Variants in ITGB1BP1 observed in about 807,000 individuals in gnomAD.
The protein encoded by ITGB1BP1 is integrin beta-1-binding protein 1.
ITGB1BP1 carries 20 observed loss-of-function variants against 28.0 expected under a neutral mutation model. That is an observed-to-expected ratio of 0.71 (90% CI 0.50 to 1.04). The LOEUF (loss-of-function observed/expected upper bound fraction) is 1.04. ITGB1BP1 is among the 50% of genes least tolerant of loss of function. The pLI is 0.00. For synonymous variants in ITGB1BP1, 103 were observed against 89.5 expected, an observed-to-expected ratio of 1.15 and a Z score of -0.85; for missense variants, 228 against 242.5, an observed-to-expected ratio of 0.94 and a Z score of 0.40.
rs1400121434 is a variant in ITGB1BP1 at position 9,408,422 on chromosome 2, C to T, written c.289-217G>A. The T allele has an allele frequency of 1.4e-5, 7 of 486,298 alleles. No individual in the cohort carries two copies. The East Asian group carries it at 2.6e-4, about 18-fold the overall frequency. The allele number at this position is 486,298 out of a possible 1,614,324, so 30.1% of individuals were successfully genotyped here. ...TTTATTTTTGAGACAGAGTCTCACT[C>T]TGTCGCCCAGGCTATAGTGCAGTGG... On this transcript the variant is annotated intron_variant, in intron 4 of 6. Coordinates refer to ENST00000355346, the MANE Select transcript of ITGB1BP1 (RefSeq NM_004763.5).
chr2:9,420,734 AGT>A (rs1442979502), intron 1 of ITGB1BP1, among the ~76,000 whole-genome samples: 1 of 152,248 alleles, frequency 6.6e-6, no homozygotes, highest in Non-Finnish European at 1.5e-5. Flanking sequence ...AGTGGACTTT[AGT>A]TTAAGAGGAA....
intron 4 of ITGB1BP1, among the ~76,000 whole-genome samples, chr2:9,409,696 A>G (rs772576822): frequency 6.6e-6 from 1 of 152,202 alleles, no homozygotes; most frequent in East Asian, 1.9e-4. Context: ...TTGAAAAACG[A>G]GTTACTTGGA....
At chr2:9,422,535 G>T in intron 1 of ITGB1BP1, 1 of 985,482 alleles carries the variant, frequency 1.0e-6, no homozygotes, top group East Asian at 1.1e-4. Context: ...CTGGGGTAAG[G>T]GACCCACAGC....
intron 4 of ITGB1BP1, among the ~76,000 whole-genome samples, chr2:9,410,532 G>A (rs1376950159): frequency 6.6e-6 from 1 of 152,102 alleles, no homozygotes; most frequent in African/African-American, 2.4e-5. Flanking sequence ...TCTGCCTCCT[G>A]AGTTCAAGCA....
chr2:9,407,244 G>A (rs145200858), intron 6 of ITGB1BP1: 218 of 617,696 alleles, frequency 3.5e-4, no homozygotes, highest in African/African-American at 1.2e-3. Context: ...CGGCACAAGC[G>A]AGTGCTGCCA....
At chr2:9,422,906 G>A (rs1168392776) in intron 1 of ITGB1BP1, 1 of 986,020 alleles carries the variant, frequency 1.0e-6, no homozygotes, top group African/African-American at 1.7e-5. Flanking sequence ...ATGCGGCCAA[G>A]CTCGGGGCCT....
In ITGB1BP1 at chr2:9,423,358, G is replaced by C. The variant is rs1199741137; in HGVS notation, c.-36+15C>G. ...GCGAGCTCGGCCCCAAGCGGGACGA[G>C]GGCTGGGCGCTCACCTCGCAGCCGC... is the stretch of plus-strand genomic sequence containing the variant. On this transcript the variant is annotated intron_variant, in intron 1 of 6. Coordinates refer to ENST00000355346, the MANE Select transcript of ITGB1BP1 (RefSeq NM_004763.5). 8.4e-6 allele frequency: 10 copies of C among 1,186,202 alleles called. No homozygotes were observed. The highest frequency in any genetic ancestry group is 1.7e-5 in the African/African-American group (1 of 59,768). 73.5% of individuals were successfully genotyped at this position (1,186,202 alleles called of 1,614,324 possible).
chr2:9,416,238 T>C (rs1045197199), intron 2 of ITGB1BP1, among the ~76,000 whole-genome samples: 3 of 152,174 alleles, frequency 2.0e-5, no homozygotes, highest in Non-Finnish European at 2.9e-5. Flanking sequence ...CTACCTGCTT[T>C]TTTTTGGGAA....
chr2:9,420,010 G>C, intron 1 of ITGB1BP1: 4 of 953,818 alleles, frequency 4.2e-6, no homozygotes, highest in Non-Finnish European at 5.0e-6. Flanking sequence ...AACACTATTT[G>C]ACTGTCTTCA....
chr2:9,412,248 T>TA (rs1678524282), intron 4 of ITGB1BP1, 21 bp downstream of exon 4: 1 of 1,538,518 alleles, frequency 6.5e-7, no homozygotes, highest in East Asian at 2.2e-5. Context: ...ACCAGAGAGT[T>TA]ACGGAATTTT....
At position 9,404,397 on chromosome 2, in the gene ITGB1BP1, C is replaced by T. The variant is rs1315337265; in HGVS notation, c.*2437G>A. 1 of 152,214 alleles carries T rather than the reference C, an allele frequency of 6.6e-6. No homozygotes were observed. The highest frequency in any genetic ancestry group is 2.4e-5 in the African/African-American group (1 of 41,448). The allele number at this position is 152,214 out of a possible 1,614,324, so 9.4% of individuals were successfully genotyped here. A position where few individuals can be genotyped will look rare whatever the true frequency, so the allele number is the denominator to read the frequency against. The stretch of plus-strand genomic sequence containing the variant: ...CCAGGTAATACTCCCAAACATCCCA[C>T]TTTTTACTGTTTCAGGCCATCATAT... On this transcript the variant is annotated 3_prime_UTR_variant, in exon 7 of 7. Transcript: ENST00000355346.
intron 1 of ITGB1BP1, among the ~76,000 whole-genome samples, chr2:9,421,021 C>G (rs1344852979): frequency 6.6e-6 from 1 of 152,070 alleles, no homozygotes; most frequent in Non-Finnish European, 1.5e-5. Context: ...AAGGCCTGCA[C>G]GAAACTAGGT....
In ITGB1BP1 at chr2:9,418,061, A is replaced by C. The variant is rs1175186642; in HGVS notation, c.72+565T>G. Among the ~76,000 whole-genome samples, 6 of 152,374 alleles carry C rather than the reference A, an allele frequency of 3.9e-5. No individual in the cohort carries two copies. The South Asian group carries it at 1.2e-3, about 32-fold the overall frequency. On this transcript the variant is annotated intron_variant, in intron 2 of 6. Coordinates refer to ENST00000355346, the MANE Select transcript of ITGB1BP1 (RefSeq NM_004763.5). ...TAAACACCAACAAAATTGGTGTCAA[A>C]AACCTAGAACAAATATAATGCAGCT... is the stretch of plus-strand genomic sequence containing the variant.
At chr2:9,412,632 T>C (rs1678590506) in intron 3 of ITGB1BP1, 2 of 383,658 alleles carry the variant, frequency 5.2e-6, no homozygotes, top group South Asian at 5.9e-5. Context: ...GTCTCAATAA[T>C]AGGAATAAAT....
chr2:9,406,125 C>T lies in ITGB1BP1; in HGVS notation c.*709G>A, dbSNP rs1677304958. The T allele has an allele frequency of 2.5e-5, 1 of 40,556 alleles. No homozygotes were observed. Among genetic ancestry groups the T allele is most frequent in the Non-Finnish European group, 4.6e-5 (1 of 21,910 alleles). 2.5% of individuals were successfully genotyped at this position (40,556 alleles called of 1,614,324 possible). A position where few individuals can be genotyped will look rare whatever the true frequency, so the allele number is the denominator to read the frequency against. On this transcript the variant is annotated 3_prime_UTR_variant, in exon 7 of 7. Transcript: ENST00000355346. ...GACCTCTGTGACATCTCGTCTTCCTCAGGCCTTCAGTGTGTGTTTGTCACT... is the reference window on the plus strand; with the variant it reads ...GACCTCTGTGACATCTCGTCTTCCTTAGGCCTTCAGTGTGTGTTTGTCACT...
intron 1 of ITGB1BP1, 60 bp from the exon 2 acceptor site, chr2:9,418,792 T>TA (rs1303831296): frequency 2.8e-5 from 35 of 1,256,962 alleles, no homozygotes; most frequent in Non-Finnish European, 3.9e-5. Flanking sequence ...TTTTTTTTTT[T>TA]TTAAGAGACA....
At chr2:9,409,841 CTTTTTTT>C (rs1036594187) in intron 4 of ITGB1BP1, among the ~76,000 whole-genome samples, 1 of 123,164 alleles carries the variant, frequency 8.1e-6, no homozygotes, top group African/African-American at 3.0e-5. Flanking sequence ...ACCGTGAGTT[CTTTTTTT>C]TTTTTTTTTT....
rs1371118205 is a variant in ITGB1BP1 at position 9,414,213 on chromosome 2, A to G, written c.116T>C (p.Val39Ala). The G allele has an allele frequency of 6.2e-7, 1 of 1,614,146 alleles. No individual in the cohort carries two copies. ...GGTGGAATCTGTGTCGAGGCTGGCC[A>G]CAGTGCTGGATCGTGAAAGACCCCC... ...SLGGLSRSST[V>A]ASLDTDSTKS... Residue 39 changes from valine (V) to alanine (A), a missense_variant, in exon 3 of 7, where the codon GTG becomes GCG. Transcript: ENST00000355346.
chr2:9,414,938 A>G (rs1572714696), intron 2 of ITGB1BP1, among the ~76,000 whole-genome samples: 1 of 152,228 alleles, frequency 6.6e-6, no homozygotes, highest in African/African-American at 2.4e-5. Flanking sequence ...TACACTCCCA[A>G]TTTCTTTAGA....
Sources: gnomAD v4.1 joint callset for allele counts (sites outside exome capture counted in the v4.1 genomes callset) on GRCh38, gnomAD v4.1.1 for gene constraint, MANE v1.5 for transcripts, NCBI Gene and HGNC (gene_info 2026-07-23, HGNC 2026-07-21) for gene names.